Variants in NRG3 observed in about 807,000 individuals in gnomAD.
The protein encoded by NRG3 is neuregulin 3, also known as pro-neuregulin-3, membrane-bound isoform.
Under a neutral mutation model 66.9 loss-of-function variants are expected in NRG3, and 31 were observed. That is an observed-to-expected ratio of 0.46 (90% confidence interval 0.35 to 0.63). NRG3 has a LOEUF of 0.63. Ranked by LOEUF, NRG3 falls within the 20% of genes least tolerant of loss-of-function variation. The probability of loss-of-function intolerance (pLI) is 0.00; values close to 1 mark genes in which losing one functional copy is unlikely to be tolerated. For synonymous variants in NRG3, 393 were observed against 359.4 expected, an observed-to-expected ratio of 1.09 and a Z score of -1.06; for missense variants, 910 against 878.9, an observed-to-expected ratio of 1.04 and a Z score of -0.45.
chr10:82,066,882 T>C (rs12253131), intron 1 of NRG3, among the ~76,000 whole-genome samples: 4,468 of 152,226 alleles, frequency 0.029, 221 homozygotes, highest in African/African-American at 0.1. Context: ...TTCTTTGGAT[T>C]CAATTTGTAG....
At chr10:82,561,718 T>A (rs565626655) in intron 2 of NRG3, among the ~76,000 whole-genome samples, 54 of 152,330 alleles carry the variant, frequency 3.5e-4, no homozygotes, top group Non-Finnish European at 6.3e-4. Flanking sequence ...ATCACATTTC[T>A]CAGTTTTGCT....
At position 81,922,761 on chromosome 10, in the gene NRG3, C is replaced by T. The variant is rs117213977; in HGVS notation, c.823+46598C>T. Among the ~76,000 whole-genome samples, 503 of 151,936 alleles carry T rather than the reference C, an allele frequency of 3.3e-3. 2 individuals are homozygous for T. The highest frequency in any genetic ancestry group is 5.0e-3 in the Admixed American group (77 of 15,274). On this transcript the variant is annotated intron_variant, in intron 1 of 8. Transcript: ENST00000372141. ...GAGAGAAAATATTTGAAAGAATTTA[C>T]GTGTGAGCTGGGTTTGGAATGATTG...
At chr10:82,969,371 A>T (rs1236939452) in intron 6 of NRG3, among the ~76,000 whole-genome samples, 1 of 152,252 alleles carries the variant, frequency 6.6e-6, no homozygotes, top group Non-Finnish European at 1.5e-5. Context: ...ATGTCCATTC[A>T]TCTGACTTTT....
intron 3 of NRG3, among the ~76,000 whole-genome samples, chr10:82,792,785 A>G (rs1387837226): frequency 1.3e-5 from 2 of 152,014 alleles, no homozygotes; most frequent in Non-Finnish European, 2.9e-5. Context: ...AGTTCAAGCC[A>G]TTCTCCTGCC....
chr10:82,140,712 G>A (rs892874106), intron 1 of NRG3, among the ~76,000 whole-genome samples: 4 of 151,826 alleles, frequency 2.6e-5, no homozygotes, highest in Admixed American at 1.3e-4. Context: ...CCTGGGCAAC[G>A]GAAGGAGACC....
intron 1 of NRG3, among the ~76,000 whole-genome samples, chr10:82,300,528 G>T (rs1216888691): frequency 6.6e-6 from 1 of 152,156 alleles, no homozygotes; most frequent in Non-Finnish European, 1.5e-5. Context: ...TATCGGGAAA[G>T]AACTAGTGAA....
chr10:82,301,176 TG>T (rs2080381575), intron 1 of NRG3, among the ~76,000 whole-genome samples: 1 of 152,248 alleles, frequency 6.6e-6, no homozygotes, highest in Non-Finnish European at 1.5e-5. Flanking sequence ...TCAGTCAAGC[TG>T]ACAGTAAAAA....
intron 1 of NRG3, among the ~76,000 whole-genome samples, chr10:81,938,602 G>A (rs559352886): frequency 5.6e-5 from 8 of 143,544 alleles, no homozygotes; most frequent in South Asian, 2.3e-4. Flanking sequence ...TGCTGAATTC[G>A]TTTATGAGTT....
intron 1 of NRG3, among the ~76,000 whole-genome samples, chr10:82,343,660 A>G (rs904071886): frequency 6.6e-6 from 1 of 152,188 alleles, no homozygotes; most frequent in African/African-American, 2.4e-5. Flanking sequence ...ACAGATTTAT[A>G]CCATGAGAGT....
At chr10:82,211,998 G>C (rs578262117) in intron 1 of NRG3, among the ~76,000 whole-genome samples, 1 of 152,258 alleles carries the variant, frequency 6.6e-6, no homozygotes, top group South Asian at 2.1e-4. Context: ...TATGGAGTAG[G>C]GGGTGGTGGA....
chr10:82,702,135 C>T (rs1319328934), intron 2 of NRG3, among the ~76,000 whole-genome samples: 5 of 152,126 alleles, frequency 3.3e-5, no homozygotes, highest in South Asian at 2.1e-4. Context: ...GGTCACAACA[C>T]GATTGCCAGG....
chr10:81,958,553 A>C (rs1850053956), intron 1 of NRG3, among the ~76,000 whole-genome samples: 1 of 152,140 alleles, frequency 6.6e-6, no homozygotes, highest in Admixed American at 6.5e-5. Flanking sequence ...TGTTTTGGGG[A>C]GGAGTGAAAA....
chr10:82,635,627 C>T (rs2219938), intron 2 of NRG3, among the ~76,000 whole-genome samples: 65,741 of 151,924 alleles, frequency 0.43, 14,802 homozygotes, highest in Non-Finnish European at 0.51. Context: ...CTGTCCTCGA[C>T]GTAGCAGAAG....
In NRG3 at chr10:82,216,377, T is replaced by C. The variant is rs75327207; in HGVS notation, c.824-142362T>C. Among the ~76,000 whole-genome samples, 2,291 of 152,078 alleles carry C rather than the reference T, an allele frequency of 0.015. 96 individuals are homozygous for C. In the East Asian group the frequency reaches 0.16, roughly 10 times the overall value. On this transcript the variant is annotated intron_variant, in intron 1 of 8. Transcript: ENST00000372141. ...TGTGGAAAATCAATGACCTTGCAATTTGATATATACTCTGGAGTATACTCT... is the reference window on the plus strand; with the variant it reads ...TGTGGAAAATCAATGACCTTGCAATCTGATATATACTCTGGAGTATACTCT...
At chr10:82,333,120 G>T (rs1403813341) in intron 1 of NRG3, among the ~76,000 whole-genome samples, 1 of 151,954 alleles carries the variant, frequency 6.6e-6, no homozygotes, top group African/African-American at 2.4e-5. Context: ...ATTCAGATAT[G>T]TTTATTAATC....
chr10:82,639,176 A>G (rs1228958119), intron 2 of NRG3, among the ~76,000 whole-genome samples: 2 of 152,178 alleles, frequency 1.3e-5, no homozygotes, highest in African/African-American at 2.4e-5. Context: ...TAATTAATAA[A>G]CAATAGAAGT....
intron 1 of NRG3, among the ~76,000 whole-genome samples, chr10:82,213,478 G>A (rs1268230810): frequency 6.6e-6 from 1 of 152,058 alleles, no homozygotes; most frequent in Non-Finnish European, 1.5e-5. Context: ...TTAGACTTCA[G>A]TCTCATCCTC....
chr10:82,457,959 A>T (rs2091347492), intron 2 of NRG3, among the ~76,000 whole-genome samples: 1 of 152,216 alleles, frequency 6.6e-6, no homozygotes. Context: ...CACGTCAAAA[A>T]GAGCATGTAA....
chr10:82,481,294 CA>C (rs1842246325), intron 2 of NRG3, among the ~76,000 whole-genome samples: 2 of 152,212 alleles, frequency 1.3e-5, no homozygotes, highest in African/African-American at 4.8e-5. Flanking sequence ...AAATCCATGA[CA>C]TTTCTTCAGC....
Sources: gnomAD v4.1 joint callset for allele counts (sites outside exome capture counted in the v4.1 genomes callset) on GRCh38, gnomAD v4.1.1 for gene constraint, MANE v1.5 for transcripts, NCBI Gene and HGNC (gene_info 2026-07-23, HGNC 2026-07-21) for gene names.